The following GRID1 variants were observed in gnomAD, a reference collection of about 807,000 sequenced individuals.
The protein encoded by GRID1 is glutamate ionotropic receptor delta type subunit 1, also known as glutamate receptor ionotropic, delta-1.
Under a neutral mutation model 98.0 loss-of-function variants are expected in GRID1, and 28 were observed. The ratio of observed to expected loss-of-function variants is 0.29; its 90% CI spans 0.21 to 0.39. The LOEUF is 0.39. Ranked by LOEUF, GRID1 falls within the 10% of genes least tolerant of loss-of-function variation. The pLI, the probability that GRID1 is intolerant of heterozygous loss-of-function variation, is 1.00. For missense variants in GRID1, 1,111 were observed against 1,340.5 expected (o/e 0.83, Z 2.67); for synonymous variants, 553 against 538.5 (o/e 1.03, Z -0.37).
chr10:85,606,417 G>C (rs1057312132), intron 15 of GRID1: 4 of 152,152 alleles, frequency 2.6e-5, no homozygotes, highest in Non-Finnish European at 4.4e-5. Context: ...GCTCCAACAC[G>C]AGGACAAACC....
At chr10:86,041,913 A>G (rs984322498) in intron 4 of GRID1, among the ~76,000 whole-genome samples, 1 of 152,138 alleles carries the variant, frequency 6.6e-6, no homozygotes, top group Non-Finnish European at 1.5e-5. Context: ...GCTGCCTGCT[A>G]CTGAGGACCC....
chr10:85,894,537 T>C (rs893047733), intron 5 of GRID1, among the ~76,000 whole-genome samples: 1 of 152,190 alleles, frequency 6.6e-6, no homozygotes, highest in Admixed American at 6.5e-5. Context: ...TATGCAAAGA[T>C]GCATTATCAT....
At chr10:86,358,541 G>A (rs1199870031) in intron 2 of GRID1, among the ~76,000 whole-genome samples, 1 of 152,012 alleles carries the variant, frequency 6.6e-6, no homozygotes, top group Non-Finnish European at 1.5e-5. Context: ...GGCGGATCAC[G>A]AGGTCAGGAG....
At chr10:85,685,901 G>A (rs1457677094) in intron 12 of GRID1, among the ~76,000 whole-genome samples, 1 of 151,862 alleles carries the variant, frequency 6.6e-6, no homozygotes, top group Non-Finnish European at 1.5e-5. Context: ...TAATAAAAAT[G>A]TGCAAGACCT....
chr10:86,354,379 CACA>C (rs1291120219), intron 2 of GRID1, among the ~76,000 whole-genome samples: 6 of 152,202 alleles, frequency 3.9e-5, no homozygotes, highest in African/African-American at 1.2e-4. Context: ...GTGGCCGGGA[CACA>C]ACAAGAACGA....
intron 8 of GRID1, among the ~76,000 whole-genome samples, chr10:85,744,346 TGATAAG>T (rs1438635638): frequency 6.6e-6 from 1 of 152,170 alleles, no homozygotes; most frequent in Non-Finnish European, 1.5e-5. Context: ...GGTCAACAAC[TGATAAG>T]CTTAATTTTA....
intron 13 of GRID1, among the ~76,000 whole-genome samples, chr10:85,622,096 C>T (rs1842864866): frequency 6.6e-6 from 1 of 152,128 alleles, no homozygotes; most frequent in Admixed American, 6.5e-5. Flanking sequence ...CCAAGGAAAG[C>T]CTGATGTGGC....
intron 8 of GRID1, among the ~76,000 whole-genome samples, chr10:85,749,796 T>C (rs1842029539): frequency 6.6e-6 from 1 of 152,188 alleles, no homozygotes; most frequent in Non-Finnish European, 1.5e-5. Context: ...CTAGAACTAC[T>C]CTTAATAGAC....
chr10:86,033,414 T>C (rs1843213596), intron 4 of GRID1, among the ~76,000 whole-genome samples: 1 of 152,170 alleles, frequency 6.6e-6, no homozygotes, highest in Non-Finnish European at 1.5e-5. Context: ...CTTCAGTCTC[T>C]GGGTCATCCA....
At chr10:86,034,396 G>T (rs567362916) in intron 4 of GRID1, among the ~76,000 whole-genome samples, 1 of 152,146 alleles carries the variant, frequency 6.6e-6, no homozygotes, top group South Asian at 2.1e-4. Context: ...CAGGCATTCT[G>T]TCAGGCCCTG....
chr10:85,899,154 T>C (rs1841342152), intron 5 of GRID1, among the ~76,000 whole-genome samples: 1 of 152,216 alleles, frequency 6.6e-6, no homozygotes, highest in Non-Finnish European at 1.5e-5. Flanking sequence ...AGTGTATAAG[T>C]GAGGTCATGC....
intron 4 of GRID1, among the ~76,000 whole-genome samples, chr10:85,944,734 C>T (rs1291215048): frequency 6.6e-6 from 1 of 151,788 alleles, no homozygotes; most frequent in Admixed American, 6.6e-5. Context: ...GTAGCATGTG[C>T]ATATTATGGG....
Position 86,360,639 on chromosome 10 carries a change from T to C in GRID1, c.235+3302A>G, listed in dbSNP as rs1257481894. 4.6e-5 allele frequency among the ~76,000 whole-genome samples: 7 copies of C among 152,158 alleles called. 1 individual carries two copies. Among genetic ancestry groups the C allele is most frequent in the Non-Finnish European group, 1.0e-4 (7 of 68,018 alleles). ...AAGAGAAGCTGAGATGGATTCACAG[T>C]TGGGTCAAGGAACGGAAAGGGAATT... is the stretch of plus-strand genomic sequence containing the variant. On this transcript the variant is annotated intron_variant, in intron 2 of 15. Coordinates refer to ENST00000327946, the MANE Select transcript of GRID1 (RefSeq NM_017551.3).
intron 12 of GRID1, among the ~76,000 whole-genome samples, chr10:85,677,943 G>A (rs1398286268): frequency 6.6e-6 from 1 of 152,058 alleles, no homozygotes; most frequent in Non-Finnish European, 1.5e-5. Flanking sequence ...TGCCAGAAAC[G>A]CCCCAGACAC....
chr10:86,083,412 A>G (rs1202036025), intron 4 of GRID1, among the ~76,000 whole-genome samples: 1 of 152,152 alleles, frequency 6.6e-6, no homozygotes, highest in African/African-American at 2.4e-5. Context: ...AGTGAAGTGC[A>G]TGGTGGTTTT....
chr10:86,145,555 C>A (rs193245445), intron 3 of GRID1, among the ~76,000 whole-genome samples: 1 of 152,068 alleles, frequency 6.6e-6, no homozygotes, highest in Admixed American at 6.5e-5. Flanking sequence ...CATACACACA[C>A]ACACACACAC....
chr10:85,786,812 G>A (rs1477173926), intron 8 of GRID1, among the ~76,000 whole-genome samples: 1 of 152,260 alleles, frequency 6.6e-6, no homozygotes, highest in Non-Finnish European at 1.5e-5. Context: ...CCTGCTGCGA[G>A]TGTTGGGTGT....
chr10:86,007,913 TG>T, intron 4 of GRID1, among the ~76,000 whole-genome samples: 1 of 152,106 alleles, frequency 6.6e-6, no homozygotes, highest in South Asian at 2.1e-4. Context: ...CTCCAGGACA[TG>T]TCCCTTTACT....
rs895026303 is a variant in GRID1 at position 85,664,979 on chromosome 10, AAC to A, written c.1998-17584_1998-17583del. On this transcript the variant is annotated intron_variant, in intron 12 of 15. Transcript: ENST00000327946. ...GTTTCTAGTACAGAATATATTGTAT[AAC>A]ACAGTATATATTCACACACAGATTA... is the stretch of plus-strand genomic sequence containing the variant. Among the ~76,000 whole-genome samples, 48 of 152,166 alleles carry A rather than the reference AAC, an allele frequency of 3.2e-4. 1 individual carries two copies. The highest frequency in any genetic ancestry group is 9.4e-4 in the African/African-American group (39 of 41,432).
Sources: allele counts gnomAD v4.1 joint callset (sites outside exome capture counted in the v4.1 genomes callset), GRCh38; gene constraint gnomAD v4.1.1; transcripts MANE v1.5; gene names NCBI Gene and HGNC (gene_info 2026-07-23, HGNC 2026-07-21).